The following EDAR variants were observed in gnomAD, a reference collection of about 807,000 sequenced individuals.
The protein encoded by EDAR is tumor necrosis factor receptor superfamily member EDAR.
Under a neutral mutation model 51.3 loss-of-function variants are expected in EDAR, and 38 were observed. The observed-to-expected ratio is 0.74, with a 90% CI of 0.57 to 0.97. The LOEUF (loss-of-function observed/expected upper bound fraction) is 0.97. Among genes scored for constraint, EDAR ranks in the 50% least tolerant of loss-of-function variants. The probability of loss-of-function intolerance (pLI) is 0.00; values close to 1 mark genes in which losing one functional copy is unlikely to be tolerated. For missense variants in EDAR, 528 were observed against 595.0 expected (o/e 0.89, Z 1.17); for synonymous variants, 227 against 242.1 (o/e 0.94, Z 0.58).
chr2:108,914,121 A>C (rs1012454947), intron 5 of EDAR, among the ~76,000 whole-genome samples: 1 of 151,474 alleles, frequency 6.6e-6, no homozygotes, highest in African/African-American at 2.4e-5. Flanking sequence ...TTAGCCAGGC[A>C]TGATGGCGCA....
At chr2:108,908,191 G>A (rs542429812) in intron 9 of EDAR, among the ~76,000 whole-genome samples, 172 bp from the exon 10 acceptor site, 1 of 152,076 alleles carries the variant, frequency 6.6e-6, no homozygotes, top group African/African-American at 2.4e-5. Flanking sequence ...GACATGAGAC[G>A]AGACATACAC....
At chr2:108,968,874 A>G (rs1381098666) in intron 1 of EDAR, among the ~76,000 whole-genome samples, 1 of 152,270 alleles carries the variant, frequency 6.6e-6, no homozygotes, top group Non-Finnish European at 1.5e-5. Flanking sequence ...GCCAAAGCCC[A>G]GTCACGGTAG....
At chr2:108,930,842 A>T in intron 2 of EDAR, 122 bp downstream of exon 2, 1 of 1,114,408 alleles carries the variant, frequency 9.0e-7, no homozygotes, top group African/African-American at 1.5e-5. Flanking sequence ...TCACCCTCAG[A>T]AGAACCCTGT....
rs573713771 is a variant in EDAR at position 108,943,339 on chromosome 2, AG to A, written c.-18-12308del. On this transcript the variant is annotated intron_variant, in intron 1 of 11. Coordinates refer to ENST00000258443, the MANE Select transcript of EDAR (RefSeq NM_022336.4). ...AGAGGGGAGGCTTTCTATCCCTCAGAGCTTGGGGATCAGAGTAAAACCTTTC... is the reference window on the plus strand; with the variant it reads ...AGAGGGGAGGCTTTCTATCCCTCAGACTTGGGGATCAGAGTAAAACCTTTC... Among the ~76,000 whole-genome samples the A allele has an allele frequency of 5.5e-4, 83 of 152,258 alleles. 2 individuals are homozygous for A. The South Asian group carries it at 0.017, about 31-fold the overall frequency.
At chr2:108,919,149 G>A (rs947208883) in intron 5 of EDAR, among the ~76,000 whole-genome samples, 107 of 152,238 alleles carry the variant, frequency 7.0e-4, no homozygotes, top group African/African-American at 2.4e-3. Flanking sequence ...TGGGAGGCCC[G>A]CTTCACACCT....
At chr2:108,897,850 A>G (rs1222511242) in intron 11 of EDAR, among the ~76,000 whole-genome samples, 1 of 152,234 alleles carries the variant, frequency 6.6e-6, no homozygotes, top group Admixed American at 6.5e-5. Context: ...AAAGCCCTGG[A>G]CATTCTGTGT....
In EDAR at chr2:108,907,930, G is replaced by A. The variant is rs768660721; in HGVS notation, c.893C>T (p.Pro298Leu). The change falls in exon 10 of 12, where the codon CCG becomes CTG. Residue 298 changes from proline (P) to leucine (L), a missense_variant. By Grantham distance (98) the Pro-to-Leu change is moderately conservative (BLOSUM62 -3). Transcript: ENST00000258443. ...AACCAGCGACAGCAGGCACAGCTCCGGGGAGCCCTGCTTGTCAGGGGCGGG... is the reference window on the plus strand; with the variant it reads ...AACCAGCGACAGCAGGCACAGCTCCAGGGAGCCCTGCTTGTCAGGGGCGGG... ...EEPAPDKQGS[P>L]ELCLLSLVHL... 1.7e-5 allele frequency: 27 copies of A among 1,613,494 alleles called. No individual in the cohort carries two copies. The highest frequency in any genetic ancestry group is 2.2e-5 in the South Asian group (2 of 91,060).
chr2:108,899,025 A>G (rs1159325971), intron 11 of EDAR, among the ~76,000 whole-genome samples: 1 of 152,256 alleles, frequency 6.6e-6, no homozygotes, highest in Non-Finnish European at 1.5e-5. Context: ...ATGATGGTTT[A>G]GAACTCTCCA....
At chr2:108,987,325 C>T (rs999488654) in intron 1 of EDAR, among the ~76,000 whole-genome samples, 20 of 152,190 alleles carry the variant, frequency 1.3e-4, no homozygotes, top group Non-Finnish European at 2.6e-4. Flanking sequence ...AGAGGCTCCC[C>T]ATTTAACAGA....
chr2:108,947,109 C>A (rs1226748595), intron 1 of EDAR, among the ~76,000 whole-genome samples: 2 of 152,122 alleles, frequency 1.3e-5, no homozygotes, highest in East Asian at 1.9e-4. Context: ...AAAAATTGGC[C>A]AAAACAAAGG....
chr2:108,975,992 C>A (rs1698316146), intron 1 of EDAR, among the ~76,000 whole-genome samples: 1 of 152,088 alleles, frequency 6.6e-6, no homozygotes, highest in African/African-American at 2.4e-5. Context: ...TTCCCGGGGA[C>A]CCCACACCAG....
chr2:108,924,982 C>T (rs138499664), intron 4 of EDAR, among the ~76,000 whole-genome samples: 1 of 152,364 alleles, frequency 6.6e-6, no homozygotes, highest in African/African-American at 2.4e-5. Context: ...TAGGTGGCCA[C>T]CTGCTCCCCA....
intron 10 of EDAR, among the ~76,000 whole-genome samples, chr2:108,907,352 TAAAAAC>T (rs1696827286): frequency 6.6e-6 from 1 of 152,080 alleles, no homozygotes; most frequent in African/African-American, 2.4e-5. Flanking sequence ...AGCTATATAA[TAAAAAC>T]AAAGTGGCTG....
Position 108,896,635 on chromosome 2 carries a change from T to TG in EDAR, c.*271dup, listed in dbSNP as rs1429238524. 1.5e-5 allele frequency: 7 copies of TG among 473,726 alleles called. No individual in the cohort carries two copies. Among genetic ancestry groups the TG allele is most frequent in the Admixed American group, 1.4e-4 (4 of 29,378 alleles). The allele number at this position is 473,726 out of a possible 1,614,324, so 29.3% of individuals were successfully genotyped here. Reference sequence around the variant, plus strand: ...GTCTCATTGTTCAGTGAGTTAATGGTGGGCTGGTGGGCTGGCTGTATGAGT... The same window carrying TG: ...GTCTCATTGTTCAGTGAGTTAATGGTGGGGCTGGTGGGCTGGCTGTATGAGT... On this transcript the variant is annotated 3_prime_UTR_variant, in exon 12 of 12. Coordinates refer to ENST00000258443, the MANE Select transcript of EDAR (RefSeq NM_022336.4).
At chr2:108,934,733 A>ACTCC (rs1340772077) in intron 1 of EDAR, among the ~76,000 whole-genome samples, 1 of 152,016 alleles carries the variant, frequency 6.6e-6, no homozygotes, top group Non-Finnish European at 1.5e-5. Flanking sequence ...TAACGAACCC[A>ACTCC]CTCCCGCGAT....
At chr2:108,964,751 T>C (rs1256151559) in intron 1 of EDAR, among the ~76,000 whole-genome samples, 1 of 152,184 alleles carries the variant, frequency 6.6e-6, no homozygotes, top group Non-Finnish European at 1.5e-5. Flanking sequence ...GCTCACTAAG[T>C]GACAGCAGGC....
chr2:108,973,047 C>G (rs1054234684), intron 1 of EDAR, among the ~76,000 whole-genome samples: 1 of 151,966 alleles, frequency 6.6e-6, no homozygotes. Context: ...ACTGCAGTGG[C>G]GCAATTTCAG....
intron 1 of EDAR, among the ~76,000 whole-genome samples, chr2:108,960,383 G>A (rs1162864745): frequency 6.6e-6 from 1 of 152,232 alleles, no homozygotes; most frequent in East Asian, 1.9e-4. Context: ...CGCTCTTGCT[G>A]ATGAATGCCT....
intron 1 of EDAR, among the ~76,000 whole-genome samples, chr2:108,948,718 C>G (rs150913265): frequency 1.3e-5 from 2 of 152,292 alleles, no homozygotes; most frequent in Non-Finnish European, 2.9e-5. Context: ...GGGAAAACTG[C>G]TCCCATGATC....
Sources: allele counts gnomAD v4.1 joint callset (sites outside exome capture counted in the v4.1 genomes callset), GRCh38; gene constraint gnomAD v4.1.1; transcripts MANE v1.5; gene names NCBI Gene and HGNC (gene_info 2026-07-23, HGNC 2026-07-21).